GBE1: variants seen among roughly 807,000 people sequenced by gnomAD.
GBE1 encodes the protein 1,4-alpha-glucan-branching enzyme.
In GBE1, 70 loss-of-function variants were observed where a neutral mutation model predicts 88.8. The observed-to-expected ratio is 0.79, with a 90% CI of 0.65 to 0.96. GBE1 has a LOEUF of 0.96. GBE1 is among the 40% of genes least tolerant of loss of function. The pLI, the probability that GBE1 is intolerant of heterozygous loss-of-function variation, is 0.00. For missense variants in GBE1, 872 were observed against 871.0 expected (o/e 1.00, Z -0.01); for synonymous variants, 284 against 300.1 (o/e 0.95, Z 0.56).
chr3:81,607,216 GA>G lies in GBE1; in HGVS notation c.993-13194del, dbSNP rs560369344. On this transcript the variant is annotated intron_variant, in intron 7 of 15. Transcript: ENST00000429644. ...TAGTCATTGCTGTCTAAAAATGGGG[GA>G]AAAACTATTGTTTACCTCTTCATAA... Among the ~76,000 whole-genome samples, 11 of 152,158 alleles carry G rather than the reference GA, an allele frequency of 7.2e-5. No individual in the cohort carries two copies. The South Asian group carries it at 2.1e-3, about 29-fold the overall frequency.
chr3:81,530,117 T>G (rs540058251), intron 14 of GBE1, among the ~76,000 whole-genome samples: 1 of 152,110 alleles, frequency 6.6e-6, no homozygotes, highest in Non-Finnish European at 1.5e-5. Context: ...CTCTGATGCA[T>G]TCTTCAGTTT....
At chr3:81,633,070 G>C (rs1383362736) in intron 7 of GBE1, among the ~76,000 whole-genome samples, 8 of 152,108 alleles carry the variant, frequency 5.3e-5, no homozygotes, top group Non-Finnish European at 2.9e-5. Flanking sequence ...TTTAAAAATA[G>C]TGTGATACAA....
At chr3:81,532,733 T>C (rs1262390383) in intron 14 of GBE1, among the ~76,000 whole-genome samples, 1 of 152,090 alleles carries the variant, frequency 6.6e-6, no homozygotes, top group African/African-American at 2.4e-5. Context: ...TATTATGTGA[T>C]CTCCATCTGT....
At chr3:81,559,659 A>G (rs910064991) in intron 12 of GBE1, among the ~76,000 whole-genome samples, 9 of 151,884 alleles carry the variant, frequency 5.9e-5, no homozygotes, top group Admixed American at 1.3e-4. Flanking sequence ...TATACACTTG[A>G]AGATAGCCAC....
intron 1 of GBE1, among the ~76,000 whole-genome samples, chr3:81,707,439 T>C (rs1458291486): frequency 2.0e-5 from 3 of 152,028 alleles, no homozygotes; most frequent in Non-Finnish European, 4.4e-5. Context: ...TCCATTTTTC[T>C]AAATGGCAAT....
intron 12 of GBE1, among the ~76,000 whole-genome samples, chr3:81,547,661 CTCTCTCTT>C (rs1028558363): frequency 5.0e-5 from 7 of 141,004 alleles, no homozygotes; most frequent in Non-Finnish European, 7.9e-5. Context: ...CTCTCTCTCT[CTCTCTCTT>C]TCTCCCTCTG....
In GBE1 at chr3:81,514,749, G is replaced by A. The variant is rs373014040; in HGVS notation, c.1935-15522C>T. Among the ~76,000 whole-genome samples the A allele has an allele frequency of 1.6e-4, 24 of 151,722 alleles. No homozygotes were observed. In the East Asian group the frequency reaches 1.9e-3, roughly 12 times the overall value. Reference sequence around the variant, plus strand: ...TGGGATACTCAGGTAATACTTTTATGTAAATAAAACACTGACCACTCAGTT... The same window carrying A: ...TGGGATACTCAGGTAATACTTTTATATAAATAAAACACTGACCACTCAGTT... On this transcript the variant is annotated intron_variant, in intron 14 of 15. Coordinates refer to ENST00000429644, the MANE Select transcript of GBE1 (RefSeq NM_000158.4).
chr3:81,606,769 T>C (rs1704107737), intron 7 of GBE1, among the ~76,000 whole-genome samples: 1 of 152,204 alleles, frequency 6.6e-6, no homozygotes. Context: ...CTGCCAACCA[T>C]ATCACTTTTG....
chr3:81,545,988 A>T (rs1703200646), intron 12 of GBE1, among the ~76,000 whole-genome samples: 1 of 152,170 alleles, frequency 6.6e-6, no homozygotes, highest in Non-Finnish European at 1.5e-5. Context: ...TCCAAAGCAC[A>T]AGTAGTGATA....
chr3:81,670,660 A>C (rs1705177063), intron 3 of GBE1, among the ~76,000 whole-genome samples, 178 bp downstream of exon 3: 1 of 152,158 alleles, frequency 6.6e-6, no homozygotes, highest in Non-Finnish European at 1.5e-5. Context: ...AAACAATTCT[A>C]ATCTAACCCA....
chr3:81,646,628 C>T (rs1190769466), intron 5 of GBE1, 146 bp from the exon 6 acceptor site: 2 of 572,440 alleles, frequency 3.5e-6, no homozygotes, highest in Non-Finnish European at 6.1e-6. Flanking sequence ...ACTACTTTAA[C>T]ATTTTTTTGT....
intron 1 of GBE1, among the ~76,000 whole-genome samples, chr3:81,748,793 G>A (rs1365944771): frequency 6.6e-6 from 1 of 151,842 alleles, no homozygotes; most frequent in Non-Finnish European, 1.5e-5. Flanking sequence ...TGGATCATGA[G>A]GTCAAGAGAT....
chr3:81,621,282 C>T (rs540220280), intron 7 of GBE1, among the ~76,000 whole-genome samples: 2 of 152,230 alleles, frequency 1.3e-5, no homozygotes, highest in South Asian at 2.1e-4. Context: ...CCTGCTGTGG[C>T]TTATTATTTA....
intron 7 of GBE1, among the ~76,000 whole-genome samples, chr3:81,609,413 C>T (rs1704143372): frequency 6.6e-6 from 1 of 151,996 alleles, no homozygotes; most frequent in Admixed American, 6.6e-5. Context: ...GTCTCTTCAC[C>T]CTCAAAAACA....
intron 12 of GBE1, among the ~76,000 whole-genome samples, chr3:81,547,626 TC>T (rs1703224064): frequency 5.5e-3 from 6 of 1,098 alleles, no homozygotes; most frequent in African/African-American, 0.038. Flanking sequence ...GTTCGTTTGT[TC>T]TCTCTCTCTC....
rs758820572 is a variant in GBE1 at position 81,642,883 on chromosome 3, G to T, written c.890C>A (p.Ala297Glu). The change falls in exon 7 of 16, where the codon GCA (alanine) becomes GAA (glutamate). Residue 297 changes from alanine to glutamate, a missense_variant. Physicochemically the swap from Ala to Glu is moderately radical, Grantham distance 107. Transcript: ENST00000429644. ...CCCATCAAACATATTCAATCCATCT[G>T]CTGAATTTTTTGAAGCATGGCTGTG... Reference protein sequence around the residue: ...VVHSHASKNSADGLNMFDGTD... With the variant: ...VVHSHASKNSEDGLNMFDGTD... 2 of 1,612,120 alleles carry T rather than the reference G, an allele frequency of 1.2e-6. No individual in the cohort carries two copies. Among genetic ancestry groups the T allele is most frequent in the South Asian group, 2.2e-5 (2 of 91,042 alleles).
chr3:81,542,751 T>C (rs1443885549), intron 12 of GBE1, among the ~76,000 whole-genome samples: 1 of 152,064 alleles, frequency 6.6e-6, no homozygotes, highest in African/African-American at 2.4e-5. Context: ...TTGGGTACTA[T>C]GTTCACCACC....
intron 1 of GBE1, among the ~76,000 whole-genome samples, chr3:81,713,447 A>T (rs1375829419): frequency 6.6e-6 from 1 of 152,244 alleles, no homozygotes; most frequent in Non-Finnish European, 1.5e-5. Context: ...TAAGTGGAAT[A>T]AAACATAAAA....
At chr3:81,652,831 C>A (rs1182256044) in intron 3 of GBE1, among the ~76,000 whole-genome samples, 1 of 152,180 alleles carries the variant, frequency 6.6e-6, no homozygotes, top group East Asian at 1.9e-4. Context: ...AGACTATAGC[C>A]TTTACGGACT....
Sources: allele counts gnomAD v4.1 joint callset (sites outside exome capture counted in the v4.1 genomes callset), GRCh38; gene constraint gnomAD v4.1.1; transcripts MANE v1.5; gene names NCBI Gene and HGNC (gene_info 2026-07-23, HGNC 2026-07-21).